TAB2: variants seen among roughly 807,000 people sequenced by gnomAD.
TAB2 encodes TGF-beta-activated kinase 1 and MAP3K7-binding protein 2.
Under a neutral mutation model 65.0 loss-of-function variants are expected in TAB2, and 3 were observed. The observed-to-expected ratio is 0.05, with a 90% CI of 0.02 to 0.12. TAB2 has a LOEUF of 0.12. Among genes scored for constraint, TAB2 ranks in the 10% least tolerant of loss-of-function variants. The pLI is 1.00. For synonymous variants in TAB2, 298 were observed against 285.1 expected (o/e 1.05, Z -0.46); for missense variants, 623 against 840.3 (o/e 0.74, Z 3.20).
chr6:149,346,885 G>A (rs1013642340), intron 1 of TAB2, among the ~76,000 whole-genome samples: 11 of 152,146 alleles, frequency 7.2e-5, no homozygotes, highest in Non-Finnish European at 1.5e-4. Flanking sequence ...GGTGTAAGAT[G>A]AAAATTGGTT....
intron 1 of TAB2, among the ~76,000 whole-genome samples, chr6:149,223,889 C>T (rs907772110): frequency 6.6e-6 from 1 of 151,958 alleles, no homozygotes; most frequent in Non-Finnish European, 1.5e-5. Context: ...ACACACCTCC[C>T]CCTTTAGGAA....
intron 1 of TAB2, among the ~76,000 whole-genome samples, chr6:149,228,413 G>A (rs536317922): frequency 1.3e-5 from 2 of 152,214 alleles, no homozygotes; most frequent in South Asian, 2.1e-4. Flanking sequence ...CAGAACCCTC[G>A]GCCACCAGGG....
chr6:149,335,851 TTAGAGATTTTA>T (rs1337438432), intron 1 of TAB2, among the ~76,000 whole-genome samples: 24 of 152,090 alleles, frequency 1.6e-4, no homozygotes, highest in Admixed American at 1.3e-3. Context: ...TGAATCTATT[TTAGAGATTTTA>T]TAGAGATTTT....
chr6:149,289,899 TG>T (rs1001567589), intron 1 of TAB2, among the ~76,000 whole-genome samples: 13 of 151,884 alleles, frequency 8.6e-5, no homozygotes, highest in Non-Finnish European at 1.3e-4. Context: ...GGTGTGGGCG[TG>T]GGGGGCACAG....
intron 3 of TAB2, among the ~76,000 whole-genome samples, chr6:149,393,960 G>A (rs925675600): frequency 6.6e-6 from 1 of 152,038 alleles, no homozygotes; most frequent in African/African-American, 2.4e-5. Flanking sequence ...ATTATTTGGT[G>A]ATCTATGGGC....
At chr6:149,372,448 T>TA (rs1186685422) in intron 2 of TAB2, 1 of 152,208 alleles carries the variant, frequency 6.6e-6, no homozygotes, top group African/African-American at 2.4e-5. Flanking sequence ...ATCTTTTTTT[T>TA]ATTGTTTTAA....
intron 1 of TAB2, among the ~76,000 whole-genome samples, chr6:149,353,259 G>C (rs1282575576): frequency 6.6e-6 from 1 of 152,016 alleles, no homozygotes; most frequent in Non-Finnish European, 1.5e-5. Flanking sequence ...GATTGCTTTT[G>C]CTGCTGCTGC....
At chr6:149,385,449 T>G (rs998948905) in intron 3 of TAB2, among the ~76,000 whole-genome samples, 2 of 152,178 alleles carry the variant, frequency 1.3e-5, no homozygotes, top group African/African-American at 2.4e-5. Flanking sequence ...ACTGCTTGAG[T>G]GCAGGAGTTC....
intron 1 of TAB2, among the ~76,000 whole-genome samples, chr6:149,350,157 C>G (rs1366393376): frequency 6.6e-6 from 1 of 152,028 alleles, no homozygotes; most frequent in Non-Finnish European, 1.5e-5. Flanking sequence ...GTCTCAAACC[C>G]GTGACCTCAG....
At chr6:149,241,099 G>C (rs917261361) in intron 1 of TAB2, among the ~76,000 whole-genome samples, 2 of 152,050 alleles carry the variant, frequency 1.3e-5, no homozygotes, top group African/African-American at 4.8e-5. Context: ...CAGCAAGAAG[G>C]TTTCCACCTA....
intron 6 of TAB2, among the ~76,000 whole-genome samples, chr6:149,406,350 TA>T (rs1782664348): frequency 6.6e-6 from 1 of 152,118 alleles, no homozygotes; most frequent in African/African-American, 2.4e-5. Context: ...CAGGACACCC[TA>T]AAAAAATGTA....
chr6:149,378,599 G>A lies in TAB2; in HGVS notation c.684G>A (p.Gln228=). ...YITTPGGTTR[Q]TQQHSGWVSQ... is the part of the protein sequence containing the mutation. ...CAACTCCTGGTGGTACAACTCGACA[G>A]ACACAACAGCATTCTGGCTGGGTAT... Residue 228 remains glutamine, a synonymous_variant, in exon 3 of 7, where the codon CAG becomes CAA. Coordinates refer to ENST00000637181, the MANE Select transcript of TAB2 (RefSeq NM_001292034.3). 6.2e-7 allele frequency: 1 copy of A among 1,613,602 alleles called. No individual in the cohort carries two copies. The highest frequency in any genetic ancestry group is 1.7e-5 in the Admixed American group (1 of 60,020).
At chr6:149,302,264 A>G (rs2114704184) in intron 1 of TAB2, among the ~76,000 whole-genome samples, 1 of 152,350 alleles carries the variant, frequency 6.6e-6, no homozygotes. Context: ...GAAAAGGCAT[A>G]TATCGAAATG....
chr6:149,309,224 A>G (rs1356309350), intron 1 of TAB2, among the ~76,000 whole-genome samples: 1 of 152,210 alleles, frequency 6.6e-6, no homozygotes, highest in African/African-American at 2.4e-5. Context: ...CAATCATAGC[A>G]ACAACTATTT....
chr6:149,259,461 T>C (rs1778108693), intron 1 of TAB2, among the ~76,000 whole-genome samples: 1 of 152,100 alleles, frequency 6.6e-6, no homozygotes, highest in Non-Finnish European at 1.5e-5. Context: ...GGGGCTTATA[T>C]CTGTCACTTT....
chr6:149,344,899 T>G (rs1780244314), intron 1 of TAB2, among the ~76,000 whole-genome samples: 1 of 152,198 alleles, frequency 6.6e-6, no homozygotes, highest in African/African-American at 2.4e-5. Flanking sequence ...AGCACAGGAC[T>G]TGGCTCATAG....
intron 1 of TAB2, among the ~76,000 whole-genome samples, chr6:149,230,882 C>A (rs1777390501): frequency 6.6e-6 from 1 of 152,172 alleles, no homozygotes; most frequent in African/African-American, 2.4e-5. Context: ...GGCTGCTATT[C>A]TGGCATTTTA....
intron 3 of TAB2, among the ~76,000 whole-genome samples, chr6:149,382,961 G>T (rs906509391): frequency 1.3e-5 from 2 of 152,100 alleles, no homozygotes; most frequent in African/African-American, 4.8e-5. Flanking sequence ...AGACCATGCT[G>T]GCCAACATGG....
At chr6:149,358,401 A>G (rs1167998942) in intron 1 of TAB2, among the ~76,000 whole-genome samples, 1 of 152,168 alleles carries the variant, frequency 6.6e-6, no homozygotes, top group Non-Finnish European at 1.5e-5. Flanking sequence ...GTTGAACTCA[A>G]AAAGTTTCCA....
Sources: gnomAD v4.1 joint callset for allele counts (sites outside exome capture counted in the v4.1 genomes callset) on GRCh38, gnomAD v4.1.1 for gene constraint, MANE v1.5 for transcripts, NCBI Gene and HGNC (gene_info 2026-07-23, HGNC 2026-07-21) for gene names.